Variants in PCDHGA1 observed in about 807,000 individuals in gnomAD.
The protein encoded by PCDHGA1 is protocadherin gamma subfamily A, 1, also known as protocadherin gamma-A1.
In PCDHGA1, 32 loss-of-function variants were observed where a neutral mutation model predicts 58.0. The ratio of observed to expected loss-of-function variants is 0.55; its 90% CI spans 0.42 to 0.74. The LOEUF is 0.74. PCDHGA1 is among the 30% of genes least tolerant of loss of function. The probability of loss-of-function intolerance (pLI) is 0.00; values close to 1 mark genes in which losing one functional copy is unlikely to be tolerated. For synonymous variants in PCDHGA1, 498 were observed against 501.1 expected, an observed-to-expected ratio of 0.99 and a Z score of 0.08; for missense variants, 1,205 against 1,182.3, an observed-to-expected ratio of 1.02 and a Z score of -0.28.
chr5:141,335,637 C>G (rs1756575005), intron 1 of PCDHGA1, among the ~76,000 whole-genome samples: 1 of 152,178 alleles, frequency 6.6e-6, no homozygotes, highest in South Asian at 2.1e-4. Flanking sequence ...TATTAGGATT[C>G]TAATAGATCC....
Position 141,332,156 on chromosome 5 carries a change from T to C in PCDHGA1, c.1472T>C (p.Leu491Pro), listed in dbSNP as rs1314312783. 6.2e-7 allele frequency: 1 copy of C among 1,614,138 alleles called. No individual in the cohort carries two copies. The stretch of plus-strand genomic sequence containing the variant: ...GAGAATGCACAAATCACTTACTCCC[T>C]AATAGAGGACACTATCCAGGGGGCA... Reference protein sequence around the residue: ...SNENAQITYSLIEDTIQGAPL... With the variant: ...SNENAQITYSPIEDTIQGAPL... The change falls in exon 1 of 4, where the codon CTA becomes CCA. Residue 491 changes from leucine (L) to proline (P), a missense_variant. Physicochemically the swap from Leu to Pro is moderately conservative, Grantham distance 98. Transcript: ENST00000517417. The surrounding 1 kb of genome is among the most constrained non-coding windows in gnomAD (Gnocchi z 4.6).
chr5:141,480,413 T>C (rs1478520852), intron 1 of PCDHGA1, among the ~76,000 whole-genome samples: 2 of 135,292 alleles, frequency 1.5e-5, no homozygotes, highest in African/African-American at 3.0e-5. Context: ...AGACCCTGTC[T>C]CAAAAAAAAA....
chr5:141,374,760 C>A, intron 1 of PCDHGA1: 1 of 1,613,440 alleles, frequency 6.2e-7, no homozygotes, highest in Non-Finnish European at 8.5e-7. Flanking sequence ...TCAAGCGTCG[C>A]CCAAATTCTG....
In PCDHGA1 at chr5:141,360,072, C is replaced by A; in HGVS notation, c.2421+26967C>A. ...AAAAGCAGGAAAAGTGACCTTAGCC[C>A]GGATTCTGCCATCCCCGGAAGGCTT... On this transcript the variant is annotated intron_variant, in intron 1 of 3. Coordinates refer to ENST00000517417, the MANE Select transcript of PCDHGA1 (RefSeq NM_018912.3). 4.8e-6 allele frequency: 7 copies of A among 1,473,480 alleles called. No homozygotes were observed. In the South Asian group the frequency reaches 1.0e-4, roughly 21 times the overall value. 91.3% of individuals were successfully genotyped at this position (1,473,480 alleles called of 1,614,324 possible). A position where few individuals can be genotyped will look rare whatever the true frequency, so the allele number is the denominator to read the frequency against.
At chr5:141,394,703 A>C (rs138625114) in intron 1 of PCDHGA1, 42,437 of 1,613,130 alleles carry the variant, frequency 0.026, 739 homozygotes, top group East Asian at 0.04. Flanking sequence ...GCACGGCGCG[A>C]GCCCTGCTGG....
At chr5:141,340,799 A>C (rs1349721639) in intron 1 of PCDHGA1, 4 of 1,613,006 alleles carry the variant, frequency 2.5e-6, no homozygotes, top group Non-Finnish European at 3.4e-6. Context: ...CCACCTGCTC[A>C]AGGCCAGCGA....
At chr5:141,386,122 A>G (rs980639132) in intron 1 of PCDHGA1, 1 of 152,152 alleles carries the variant, frequency 6.6e-6, no homozygotes, top group Non-Finnish European at 1.5e-5. Flanking sequence ...AAAGTGGGAG[A>G]TTGGGGATAC....
At position 141,421,063 on chromosome 5, in the gene PCDHGA1, G is replaced by A. The variant is rs575695102; in HGVS notation, c.2422-73744G>A. 4.7e-4 allele frequency: 274 copies of A among 581,982 alleles called. 4 individuals are homozygous for A. The South Asian group carries it at 6.4e-3, about 14-fold the overall frequency. 36.1% of individuals were successfully genotyped at this position (581,982 alleles called of 1,614,324 possible). On this transcript the variant is annotated intron_variant, in intron 1 of 3. Transcript: ENST00000517417. ...CTCCCCCGCCTCTACCACACAAAGC[G>A]GAATGAGATGGATACTCACAGATCC... is the stretch of plus-strand genomic sequence containing the variant.
At position 141,331,121 on chromosome 5, in the gene PCDHGA1, C is replaced by T; in HGVS notation, c.437C>T (p.Thr146Met). 6.2e-7 allele frequency: 1 copy of T among 1,614,116 alleles called. No individual in the cohort carries two copies. Among genetic ancestry groups the T allele is most frequent in the Non-Finnish European group, 8.5e-7 (1 of 1,180,012 alleles). Residue 146 changes from threonine to methionine, a missense_variant, in exon 1 of 4, where the codon ACG becomes ATG. Physicochemically the swap from Thr to Met is moderately conservative, Grantham distance 81 (BLOSUM62 -1). Coordinates refer to ENST00000517417, the MANE Select transcript of PCDHGA1 (RefSeq NM_018912.3). ...CTGGAGTTTAAAATGAATGAAATAACGACTCCAGGTACCAGAGTCTCATTG... is the reference window on the plus strand; with the variant it reads ...CTGGAGTTTAAAATGAATGAAATAATGACTCCAGGTACCAGAGTCTCATTG... The part of the protein sequence containing the change: ...EELEFKMNEI[T>M]TPGTRVSLPF...
intron 1 of PCDHGA1, chr5:141,409,242 T>C (rs372196346): frequency 1.4e-5 from 22 of 1,613,864 alleles, no homozygotes; most frequent in Middle Eastern, 1.6e-4. Context: ...AGCCCAGAAA[T>C]AATCATCACT....
chr5:141,374,708 C>G, intron 1 of PCDHGA1: 2 of 1,609,146 alleles, frequency 1.2e-6, no homozygotes, highest in East Asian at 2.2e-5. Flanking sequence ...AGCCGTTTAC[C>G]GCCTGGTCCT....
intron 1 of PCDHGA1, among the ~76,000 whole-genome samples, chr5:141,452,868 C>T (rs1339532803): frequency 6.6e-6 from 1 of 152,170 alleles, no homozygotes; most frequent in Non-Finnish European, 1.5e-5. Flanking sequence ...TTTTCTAACT[C>T]CATTTGTAAT....
At chr5:141,340,896 T>A (rs1408870380) in intron 1 of PCDHGA1, 10 of 1,613,616 alleles carry the variant, frequency 6.2e-6, no homozygotes, top group Non-Finnish European at 8.5e-6. Flanking sequence ...AAGCAGAGCC[T>A]CGTGGTGGCC....
Position 141,486,812 on chromosome 5 carries a change from A to G in PCDHGA1, c.2422-7995A>G, listed in dbSNP as rs781747283. 6.2e-7 allele frequency: 1 copy of G among 1,614,226 alleles called. No individual in the cohort carries two copies. The highest frequency in any genetic ancestry group is 8.5e-7 in the Non-Finnish European group (1 of 1,180,046). ...GGATCGGGGCAACCCACCCCTTAGC[A>G]GCACTGTAACAGTTCGTCTATTTGT... On this transcript the variant is annotated intron_variant, in intron 1 of 3. Transcript: ENST00000517417. This position sits in a 1 kb window ranked among gnomAD's most constrained non-coding sequence, Gnocchi z 5.0.
intron 1 of PCDHGA1, among the ~76,000 whole-genome samples, chr5:141,475,732 C>T (rs2099367914): frequency 6.6e-6 from 1 of 152,248 alleles, no homozygotes; most frequent in Non-Finnish European, 1.5e-5. Context: ...GCTGGCTTTC[C>T]CTAAGGTAGG....
intron 1 of PCDHGA1, among the ~76,000 whole-genome samples, chr5:141,469,304 C>T (rs890230691): frequency 2.0e-5 from 3 of 151,892 alleles, no homozygotes; most frequent in East Asian, 1.9e-4. Flanking sequence ...AGACTGGGCA[C>T]GATGGCTCAC....
At chr5:141,371,540 C>T (rs773129811) in intron 1 of PCDHGA1, 1 of 1,613,730 alleles carries the variant, frequency 6.2e-7, no homozygotes, top group East Asian at 2.2e-5. Flanking sequence ...ATGGAGAAAT[C>T]CTATGCCAAC....
intron 1 of PCDHGA1, among the ~76,000 whole-genome samples, chr5:141,349,117 A>G (rs1758236347): frequency 6.6e-6 from 1 of 152,080 alleles, no homozygotes; most frequent in Non-Finnish European, 1.5e-5. Flanking sequence ...GTCACCCAGG[A>G]TGGACTTCAG....
At chr5:141,336,485 A>G (rs988359500) in intron 1 of PCDHGA1, among the ~76,000 whole-genome samples, 2 of 152,222 alleles carry the variant, frequency 1.3e-5, no homozygotes, top group African/African-American at 2.4e-5. Flanking sequence ...TCAGTCTTGT[A>G]AGAGGAATGG....
Sources: gnomAD v4.1 joint callset for allele counts (sites outside exome capture counted in the v4.1 genomes callset) on GRCh38, gnomAD v4.1.1 for gene constraint, Gnocchi (gnomAD v3.1) non-coding constraint, MANE v1.5 for transcripts, NCBI Gene and HGNC (gene_info 2026-07-23, HGNC 2026-07-21) for gene names.